FRMD4A: variants seen among roughly 807,000 people sequenced by gnomAD.
FRMD4A encodes the protein FERM domain containing 4A.
A neutral mutation model predicts 129.1 loss-of-function variants in FRMD4A; 29 were observed. The observed-to-expected ratio is 0.22, with a 90% CI of 0.17 to 0.31. The LOEUF (loss-of-function observed/expected upper bound fraction) is 0.31. FRMD4A is among the 10% of genes least tolerant of loss of function. The pLI is 1.00. For missense variants in FRMD4A, 1,272 were observed against 1,375.8 expected (o/e 0.92, Z 1.19); for synonymous variants, 634 against 571.6 (o/e 1.11, Z -1.56).
rs1243549730 is a variant in FRMD4A, at chr10:14,293,896, A to G, written c.45+36162T>C. Among the ~76,000 whole-genome samples, 6 of 152,194 alleles carry G rather than the reference A, an allele frequency of 3.9e-5. No individual in the cohort carries two copies. The South Asian group carries it at 8.3e-4, about 21-fold the overall frequency. ...TGCTAGATTCACAATTGCACATTAT[A>G]TATCAATGTTAAGGAACCTCAAAGA... is the stretch of plus-strand genomic sequence containing the variant. On this transcript the variant is annotated intron_variant, in intron 2 of 24. Coordinates refer to ENST00000357447, the MANE Select transcript of FRMD4A (RefSeq NM_018027.5).
chr10:14,248,127 G>A (rs1844309868), intron 2 of FRMD4A, among the ~76,000 whole-genome samples: 1 of 152,166 alleles, frequency 6.6e-6, no homozygotes, highest in African/African-American at 2.4e-5. Context: ...AGCACCTGCT[G>A]TATGGTAGGC....
chr10:13,877,833 C>A (rs993848941), intron 2 of FRMD4A, among the ~76,000 whole-genome samples: 50 of 152,196 alleles, frequency 3.3e-4, no homozygotes, highest in Admixed American at 1.1e-3. Context: ...TGGAGATCTG[C>A]CCCTGGGCGC....
At position 14,250,167 on chromosome 10, in the gene FRMD4A, G is replaced by A. The variant is rs2132018930; in HGVS notation, c.45+79891C>T. Among the ~76,000 whole-genome samples the A allele has an allele frequency of 2.0e-5, 3 of 152,210 alleles. No homozygotes were observed. In the Middle Eastern group the frequency reaches 0.01, roughly 518 times the overall value. On this transcript the variant is annotated intron_variant, in intron 2 of 24. Coordinates refer to ENST00000357447, the MANE Select transcript of FRMD4A (RefSeq NM_018027.5). ...GTAGAGATGGGGTTTCACTATGTTG[G>A]CCAGGTTGGTCTTGAACTCCTGACC...
intron 15 of FRMD4A, among the ~76,000 whole-genome samples, chr10:13,681,609 C>A (rs1383186739): frequency 2.0e-5 from 3 of 152,014 alleles, no homozygotes; most frequent in Non-Finnish European, 2.9e-5. Flanking sequence ...AAGTTTCAGG[C>A]AACACTCAGA....
At chr10:13,737,218 T>C (rs905208914) in intron 12 of FRMD4A, among the ~76,000 whole-genome samples, 1 of 152,200 alleles carries the variant, frequency 6.6e-6, no homozygotes, top group Non-Finnish European at 1.5e-5. Context: ...GCCTCCCAAG[T>C]AGCTGGGATT....
At chr10:13,955,505 G>A (rs1200900931) in intron 2 of FRMD4A, among the ~76,000 whole-genome samples, 3 of 152,334 alleles carry the variant, frequency 2.0e-5, no homozygotes, top group African/African-American at 7.2e-5. Context: ...TACCAATACA[G>A]CAGGGTGGAG....
chr10:13,718,294 T>G (rs2134962656), intron 12 of FRMD4A, among the ~76,000 whole-genome samples: 1 of 152,376 alleles, frequency 6.6e-6, no homozygotes, highest in East Asian at 1.9e-4. Context: ...CAAGTCAGGC[T>G]GCTGCTGGGA....
At chr10:13,704,616 C>T (rs993747995) in intron 13 of FRMD4A, among the ~76,000 whole-genome samples, 15 of 152,204 alleles carry the variant, frequency 9.9e-5, no homozygotes, top group African/African-American at 2.9e-4. Context: ...GTCCTTCACC[C>T]TTCATGGCCC....
chr10:13,804,180 C>A (rs2093315963), intron 4 of FRMD4A, among the ~76,000 whole-genome samples: 1 of 152,224 alleles, frequency 6.6e-6, no homozygotes, highest in South Asian at 2.1e-4. Context: ...ACAAGCCAGG[C>A]ACGGAGGCTG....
intron 14 of FRMD4A, among the ~76,000 whole-genome samples, chr10:13,696,848 T>C (rs747829361): frequency 4.8e-4 from 73 of 152,312 alleles, no homozygotes; most frequent in Non-Finnish European, 5.6e-4. Context: ...GTTTGTAAAA[T>C]GGAGGTCTTA....
At chr10:13,801,549 C>T (rs181299922) in intron 4 of FRMD4A, among the ~76,000 whole-genome samples, 1 of 152,302 alleles carries the variant, frequency 6.6e-6, no homozygotes, top group East Asian at 1.9e-4. Flanking sequence ...GTAGAAGTCT[C>T]TCAATGAAGG....
chr10:14,269,186 A>T (rs1564429352), intron 2 of FRMD4A, among the ~76,000 whole-genome samples: 2 of 152,200 alleles, frequency 1.3e-5, no homozygotes, highest in African/African-American at 4.8e-5. Context: ...TCAGTAATGC[A>T]TCTATTCACA....
chr10:14,163,662 A>G (rs947264494), intron 2 of FRMD4A, among the ~76,000 whole-genome samples: 1 of 152,232 alleles, frequency 6.6e-6, no homozygotes, highest in Non-Finnish European at 1.5e-5. Flanking sequence ...GAGATTCCAG[A>G]ACGGCCAGGT....
chr10:13,984,259 GT>G (rs912821464), intron 2 of FRMD4A, among the ~76,000 whole-genome samples: 1 of 152,168 alleles, frequency 6.6e-6, no homozygotes, highest in African/African-American at 2.4e-5. Context: ...CAGGGGTGAA[GT>G]TTCCCCTTGT....
intron 2 of FRMD4A, among the ~76,000 whole-genome samples, chr10:14,184,875 G>T (rs180843250): frequency 6.6e-6 from 1 of 152,172 alleles, no homozygotes; most frequent in Non-Finnish European, 1.5e-5. Context: ...GGCCTGCCCG[G>T]ATACAACTGC....
At chr10:14,118,306 G>C (rs1158112011) in intron 2 of FRMD4A, among the ~76,000 whole-genome samples, 2 of 152,168 alleles carry the variant, frequency 1.3e-5, no homozygotes, top group Non-Finnish European at 2.9e-5. Context: ...GTTCTTGGTA[G>C]CACACTGAAA....
At chr10:14,156,279 TACA>T (rs1010675259) in intron 2 of FRMD4A, among the ~76,000 whole-genome samples, 43 of 152,238 alleles carry the variant, frequency 2.8e-4, no homozygotes, top group Admixed American at 1.7e-3. Context: ...ATGAATGAAT[TACA>T]ACAATACACA....
At chr10:13,730,592 T>C (rs2090251374) in intron 12 of FRMD4A, among the ~76,000 whole-genome samples, 2 of 152,100 alleles carry the variant, frequency 1.3e-5, no homozygotes, top group Non-Finnish European at 2.9e-5. Context: ...CTGAGCCCAG[T>C]AGGACGGTAA....
At chr10:13,791,989 C>T (rs2130811278) in intron 5 of FRMD4A, among the ~76,000 whole-genome samples, 1 of 152,290 alleles carries the variant, frequency 6.6e-6, no homozygotes, top group East Asian at 1.9e-4. Flanking sequence ...GTCTGAGGTC[C>T]TGAAAATTCT....
Sources: allele counts gnomAD v4.1 joint callset (sites outside exome capture counted in the v4.1 genomes callset), GRCh38; gene constraint gnomAD v4.1.1; transcripts MANE v1.5; gene names NCBI Gene and HGNC (gene_info 2026-07-23, HGNC 2026-07-21).